PCSK5: variants seen among roughly 807,000 people sequenced by gnomAD.
PCSK5 encodes prohormone convertase 5.
In PCSK5, 129 loss-of-function variants were observed where a neutral mutation model predicts 233.2. The observed-to-expected ratio is 0.55, with a 90% CI of 0.48 to 0.64. The LOEUF is 0.64. PCSK5 is among the 30% of genes least tolerant of loss of function. The pLI is 0.00. For missense variants in PCSK5, 2,076 were observed against 2,430.1 expected (o/e 0.85, Z 3.06); for synonymous variants, 825 against 879.2 (o/e 0.94, Z 1.09).
intron 5 of PCSK5, among the ~76,000 whole-genome samples, chr9:76,057,083 G>A (rs969713409): frequency 9.2e-5 from 14 of 152,226 alleles, no homozygotes; most frequent in African/African-American, 3.1e-4. Flanking sequence ...TTTTTCTGGA[G>A]TAAAATCTAC....
At chr9:76,032,183 C>G (rs1451699354) in intron 5 of PCSK5, among the ~76,000 whole-genome samples, 1 of 152,248 alleles carries the variant, frequency 6.6e-6, no homozygotes, top group African/African-American at 2.4e-5. Flanking sequence ...TATGCAAATG[C>G]CTCCTCACTG....
intron 5 of PCSK5, among the ~76,000 whole-genome samples, chr9:76,055,052 C>A (rs1423082017): frequency 6.6e-6 from 1 of 152,058 alleles, no homozygotes; most frequent in African/African-American, 2.4e-5. Context: ...TTGATGAATG[C>A]TTTTAATAAT....
intron 24 of PCSK5, among the ~76,000 whole-genome samples, chr9:76,247,300 C>T (rs1045428258): frequency 6.6e-6 from 1 of 152,072 alleles, no homozygotes; most frequent in Non-Finnish European, 1.5e-5. Flanking sequence ...AGTGCAGTTG[C>T]AAGATTTAAT....
chr9:76,121,141 A>G (rs1020848532), intron 9 of PCSK5, among the ~76,000 whole-genome samples: 1 of 151,050 alleles, frequency 6.6e-6, no homozygotes, highest in Non-Finnish European at 1.5e-5. Flanking sequence ...CTTTTTGTCA[A>G]TGTTTGTGTT....
intron 20 of PCSK5, among the ~76,000 whole-genome samples, chr9:76,211,052 G>C (rs945276802): frequency 6.6e-6 from 1 of 152,208 alleles, no homozygotes; most frequent in Non-Finnish European, 1.5e-5. Context: ...GGAGATACCT[G>C]TAAAGTATCC....
chr9:76,041,976 A>T (rs1474975131), intron 5 of PCSK5, among the ~76,000 whole-genome samples: 2 of 152,220 alleles, frequency 1.3e-5, no homozygotes, highest in African/African-American at 4.8e-5. Context: ...CTTATTCAAT[A>T]CTAGAGACTG....
intron 2 of PCSK5, among the ~76,000 whole-genome samples, chr9:75,953,779 C>G (rs925145367): frequency 6.6e-6 from 1 of 151,742 alleles, no homozygotes; most frequent in African/African-American, 2.4e-5. Context: ...AATTCCCACA[C>G]TTTTGAAACT....
chr9:75,924,071 G>A (rs1040324569), intron 1 of PCSK5, among the ~76,000 whole-genome samples: 2 of 152,088 alleles, frequency 1.3e-5, no homozygotes, highest in Non-Finnish European at 2.9e-5. Context: ...TTGCCATAAA[G>A]GTAACATATT....
chr9:76,345,714 G>A (rs866772731), intron 35 of PCSK5, among the ~76,000 whole-genome samples: 4 of 151,342 alleles, frequency 2.6e-5, no homozygotes, highest in Admixed American at 6.6e-5. Context: ...GAGCCACCGC[G>A]CCTGGCCTGT....
intron 2 of PCSK5, among the ~76,000 whole-genome samples, chr9:75,935,295 C>T (rs141983948): frequency 2.4e-3 from 360 of 152,124 alleles, no homozygotes; most frequent in African/African-American, 8.0e-3. Flanking sequence ...TCTTGATCTC[C>T]TCTCCTCGTG....
At chr9:75,921,812 A>G (rs1484203957) in intron 1 of PCSK5, among the ~76,000 whole-genome samples, 1 of 152,178 alleles carries the variant, frequency 6.6e-6, no homozygotes, top group Non-Finnish European at 1.5e-5. Context: ...ACAAAAATGG[A>G]TTGAAGAAAA....
At chr9:75,901,363 A>G (rs1171139389) in intron 1 of PCSK5, among the ~76,000 whole-genome samples, 1 of 152,182 alleles carries the variant, frequency 6.6e-6, no homozygotes, top group Non-Finnish European at 1.5e-5. Flanking sequence ...CAGCAAAGTA[A>G]CACAGGAACA....
chr9:76,289,494 C>CACGCAACAT (rs1554717433), intron 24 of PCSK5, among the ~76,000 whole-genome samples: 5 of 128,160 alleles, frequency 3.9e-5, no homozygotes, highest in South Asian at 2.4e-4. Flanking sequence ...CACACACACA[C>CACGCAACAT]ACACACACAC....
chr9:76,177,535 G>A (rs1823668620), intron 14 of PCSK5, among the ~76,000 whole-genome samples: 1 of 152,142 alleles, frequency 6.6e-6, no homozygotes, highest in Non-Finnish European at 1.5e-5. Flanking sequence ...TATCAGAGCT[G>A]GATTGTATTA....
intron 21 of PCSK5, among the ~76,000 whole-genome samples, chr9:76,228,051 C>A (rs976423505): frequency 2.0e-5 from 3 of 151,452 alleles, no homozygotes; most frequent in Non-Finnish European, 4.4e-5. Flanking sequence ...CTCACGGCAA[C>A]CTCCGCCTCC....
At chr9:76,271,443 T>C (rs966930895) in intron 24 of PCSK5, among the ~76,000 whole-genome samples, 4 of 152,180 alleles carry the variant, frequency 2.6e-5, no homozygotes, top group African/African-American at 9.7e-5. Flanking sequence ...AAGTGGCAGC[T>C]CTCTTTCGAA....
chr9:75,893,278 C>G (rs1200759884), intron 1 of PCSK5, among the ~76,000 whole-genome samples: 1 of 152,154 alleles, frequency 6.6e-6, no homozygotes, highest in Non-Finnish European at 1.5e-5. Context: ...GATGAGGAAA[C>G]CGAGACCAGC....
At chr9:75,952,081 A>G (rs1196203453) in intron 2 of PCSK5, among the ~76,000 whole-genome samples, 2 of 152,154 alleles carry the variant, frequency 1.3e-5, no homozygotes, top group East Asian at 3.8e-4. Context: ...CTTTTATCAC[A>G]TCTATGCACC....
chr9:76,345,026 CAAA>C (rs1394158077), intron 35 of PCSK5, among the ~76,000 whole-genome samples: 1 of 151,968 alleles, frequency 6.6e-6, no homozygotes, highest in Non-Finnish European at 1.5e-5. Context: ...AGGTTTGTTA[CAAA>C]GGTATAGTGC....
Sources: gnomAD v4.1 joint callset for allele counts (sites outside exome capture counted in the v4.1 genomes callset) on GRCh38, gnomAD v4.1.1 for gene constraint, MANE v1.5 for transcripts, NCBI Gene and HGNC (gene_info 2026-07-23, HGNC 2026-07-21) for gene names.